POLN: variants seen among roughly 807,000 people sequenced by gnomAD.
POLN encodes the protein DNA polymerase nu, also known as DNA polymerase N.
POLN carries 108 observed loss-of-function variants against 113.5 expected under a neutral mutation model. The ratio of observed to expected loss-of-function variants is 0.95; its 90% confidence interval spans 0.81 to 1.12. POLN has a LOEUF of 1.12. Among genes scored for constraint, POLN ranks in the 50% most tolerant of loss-of-function variants. POLN has a pLI of 0.00. For synonymous variants in POLN, 386 were observed against 391.5 expected (o/e 0.99, Z 0.17); for missense variants, 1,097 against 1,077.1 (o/e 1.02, Z -0.26).
chr4:2,114,890 T>C (rs1731278878), intron 19 of POLN, among the ~76,000 whole-genome samples: 1 of 151,948 alleles, frequency 6.6e-6, no homozygotes. Flanking sequence ...CCATCTGATA[T>C]TGTTGCACAG....
At chr4:2,167,814 G>T (rs1024683916) in intron 13 of POLN, among the ~76,000 whole-genome samples, 3 of 152,052 alleles carry the variant, frequency 2.0e-5, no homozygotes, top group Non-Finnish European at 2.9e-5. Context: ...CAGGAGAATC[G>T]CTTGAACCTG....
chr4:2,090,408 G>A (rs1347001040), intron 20 of POLN: 1 of 618,654 alleles, frequency 1.6e-6, no homozygotes, highest in African/African-American at 1.8e-5. Flanking sequence ...TGAGCTGATG[G>A]TTCGAAACAT....
chr4:2,081,119 C>A, intron 22 of POLN, 83 bp from the exon 23 acceptor site: 1 of 1,606,882 alleles, frequency 6.2e-7, no homozygotes, highest in South Asian at 1.1e-5. Context: ...CGCCACAGCT[C>A]TCACGGTACC....
At chr4:2,166,883 A>G (rs1172554748) in intron 13 of POLN, among the ~76,000 whole-genome samples, 1 of 152,146 alleles carries the variant, frequency 6.6e-6, no homozygotes, top group East Asian at 1.9e-4. Flanking sequence ...GGGACTTCAC[A>G]GCACCCCCAA....
intron 5 of POLN, 33 bp from the exon 6 acceptor site, chr4:2,198,750 G>T: frequency 1.3e-6 from 2 of 1,539,586 alleles, no homozygotes; most frequent in South Asian, 1.2e-5. Flanking sequence ...ATTAAACCCA[G>T]ACAACATATC....
At chr4:2,160,862 A>G (rs867978812) in intron 13 of POLN, among the ~76,000 whole-genome samples, 5 of 152,004 alleles carry the variant, frequency 3.3e-5, no homozygotes, top group Middle Eastern at 3.2e-3. Flanking sequence ...CTCTTGTTAT[A>G]TTTTCTCCAA....
intron 3 of POLN, among the ~76,000 whole-genome samples, chr4:2,220,982 C>T (rs1174479545): frequency 7.8e-6 from 1 of 128,438 alleles, no homozygotes; most frequent in Admixed American, 7.5e-5. Context: ...AAAACTTCTC[C>T]TGAAGTATTA....
rs1452650268 is a variant in POLN at position 2,154,082 on chromosome 4, T to C, written c.1731+2706A>G. 2.7e-5 allele frequency among the ~76,000 whole-genome samples: 4 copies of C among 149,322 alleles called. No homozygotes were observed. The East Asian group carries it at 6.1e-4, about 23-fold the overall frequency. ...GCGTGGTGGCGGGTGCCTGTAGTCC[T>C]AGCTACTCGGGAGGCTGAGGCAGGA... On this transcript the variant is annotated intron_variant, in intron 16 of 25. Coordinates refer to ENST00000511885, the MANE Select transcript of POLN (RefSeq NM_181808.4).
intron 2 of POLN, chr4:2,232,068 T>C: frequency 6.3e-7 from 1 of 1,596,332 alleles, no homozygotes; most frequent in African/African-American, 1.3e-5. Flanking sequence ...CCAAAGTTTT[T>C]CTTTTTGTCT....
chr4:2,081,132 C>T (rs1730405553), intron 22 of POLN, 96 bp from the exon 23 acceptor site: 1 of 1,604,616 alleles, frequency 6.2e-7, no homozygotes, highest in Non-Finnish European at 8.5e-7. Context: ...ACGGTACCTC[C>T]ACACAGAGGT....
At chr4:2,117,450 T>C (rs574728121) in intron 19 of POLN, among the ~76,000 whole-genome samples, 18 of 152,348 alleles carry the variant, frequency 1.2e-4, no homozygotes, top group South Asian at 6.2e-4. Context: ...CAAAATTTCA[T>C]CTTATCAGGG....
intron 16 of POLN, among the ~76,000 whole-genome samples, chr4:2,148,868 A>T (rs1732218650): frequency 6.6e-6 from 1 of 152,214 alleles, no homozygotes; most frequent in South Asian, 2.1e-4. Context: ...GATAGTGATG[A>T]AAGACTTCCT....
At chr4:2,172,911 G>A (rs1486150951) in intron 11 of POLN, among the ~76,000 whole-genome samples, 2 of 152,184 alleles carry the variant, frequency 1.3e-5, no homozygotes, top group Non-Finnish European at 2.9e-5. Context: ...CACGCCTATC[G>A]GCAGTGGGAC....
chr4:2,135,001 C>T (rs1445027538), intron 16 of POLN, among the ~76,000 whole-genome samples: 4 of 152,140 alleles, frequency 2.6e-5, no homozygotes, highest in East Asian at 1.9e-4. Flanking sequence ...GATGATGTTC[C>T]GCTACAGAGA....
In POLN at chr4:2,208,470, T is replaced by TTAA. The variant is rs1733913565; in HGVS notation, c.230_231insTTA (p.Arg77delinsSerTer). ...TGGCAGAACCTCTTGATGTCTGACT[T>TTAA]CTTAAAGATTTAAGATCCTACAGAA... On this transcript the variant is annotated stop_gained and protein_altering_variant, in exon 5 of 26. Transcript: ENST00000511885. LOFTEE classifies it high-confidence loss of function. 1 of 1,548,996 alleles carries TTAA rather than the reference T, an allele frequency of 6.5e-7. No homozygotes were observed. The highest frequency in any genetic ancestry group is 2.1e-5 in the Admixed American group (1 of 46,574).
At chr4:2,078,919 CTGAAAG>C in intron 23 of POLN, 1 of 985,370 alleles carries the variant, frequency 1.0e-6, no homozygotes, top group South Asian at 4.7e-5. Context: ...TCCACAAGGG[CTGAAAG>C]TGAACCGATT....
intron 6 of POLN, among the ~76,000 whole-genome samples, chr4:2,197,184 G>C (rs2108758794): frequency 6.6e-6 from 1 of 152,322 alleles, no homozygotes; most frequent in Admixed American, 6.5e-5. Flanking sequence ...GATGTGATCT[G>C]ATTTATGCTT....
At position 2,090,372 on chromosome 4, in the gene POLN, A is replaced by C. The variant is rs1730638068; in HGVS notation, c.2066-4628T>G. The C allele has an allele frequency of 7.3e-6, 5 of 686,356 alleles. No individual in the cohort carries two copies. In the South Asian group the frequency reaches 1.0e-4, roughly 14 times the overall value. 42.5% of individuals were successfully genotyped at this position (686,356 alleles called of 1,614,324 possible). ...TTTCTCTCATGTGATCAAGGCATGAATAAAAACGAGCTTGATTAAATCCAC... is the reference window on the plus strand; with the variant it reads ...TTTCTCTCATGTGATCAAGGCATGACTAAAAACGAGCTTGATTAAATCCAC... On this transcript the variant is annotated intron_variant, in intron 20 of 25. Coordinates refer to ENST00000511885, the MANE Select transcript of POLN (RefSeq NM_181808.4).
At chr4:2,151,179 AAAAG>A (rs1439264184) in intron 16 of POLN, among the ~76,000 whole-genome samples, 1 of 152,216 alleles carries the variant, frequency 6.6e-6, no homozygotes, top group African/African-American at 2.4e-5. Flanking sequence ...GCTTCACTGA[AAAAG>A]AAAAATGACT....
Sources: gnomAD v4.1 joint callset for allele counts (sites outside exome capture counted in the v4.1 genomes callset) on GRCh38, gnomAD v4.1.1 for gene constraint, MANE v1.5 for transcripts, NCBI Gene and HGNC (gene_info 2026-07-23, HGNC 2026-07-21) for gene names.